C2CD2: variants seen among roughly 807,000 people sequenced by gnomAD.
C2CD2 encodes C2 calcium dependent domain containing 2, also known as C2 domain-containing protein 2.
C2CD2 carries 43 observed loss-of-function variants against 74.3 expected under a neutral mutation model. The ratio of observed to expected loss-of-function variants is 0.58; its 90% confidence interval spans 0.45 to 0.75. The LOEUF (loss-of-function observed/expected upper bound fraction) is 0.75. C2CD2 is among the 30% of genes least tolerant of loss of function. C2CD2 has a pLI of 0.00. For missense variants in C2CD2, 801 were observed against 916.3 expected (o/e 0.87, Z 1.63); for synonymous variants, 422 against 390.7 (o/e 1.08, Z -0.94).
chr21:41,951,649 C>T (rs1212421258), intron 1 of C2CD2, among the ~76,000 whole-genome samples: 4 of 152,218 alleles, frequency 2.6e-5, no homozygotes, highest in Non-Finnish European at 5.9e-5. Flanking sequence ...AAGTTTTCAT[C>T]CAAAACTTTC....
At position 41,921,985 on chromosome 21, in the gene C2CD2, G is replaced by T; in HGVS notation, c.479C>A (p.Pro160His). ...ACACATCTTTACCTGTAAATGGAAA[G>T]GGGAGAGCCGCATGTCGTACAGCCG... ...GCRLYDMRLS[P>H]FHLQLEFHMK... The change falls in exon 3 of 14, where the codon CCT (proline) becomes CAT (histidine). Residue 160 changes from proline (P) to histidine (H), a missense_variant. Pro to His is a moderately conservative substitution (Grantham distance 77, BLOSUM62 -2). Coordinates refer to ENST00000380486, the MANE Select transcript of C2CD2 (RefSeq NM_015500.2). The T allele has an allele frequency of 6.2e-7, 1 of 1,611,054 alleles. No individual in the cohort carries two copies. The highest frequency in any genetic ancestry group is 8.5e-7 in the Non-Finnish European group (1 of 1,177,240).
At position 41,888,067 on chromosome 21, in the gene C2CD2, C is replaced by T. The variant is rs946850335; in HGVS notation, c.*1057G>A. ...CCAACCTGTGTCCAAGAGGACTGTT[C>T]ACAGCAAAATTCTGAAGCGCTCATA... is the stretch of plus-strand genomic sequence containing the variant. On this transcript the variant is annotated 3_prime_UTR_variant, in exon 14 of 14. Transcript: ENST00000380486. The T allele has an allele frequency of 6.6e-6, 1 of 152,650 alleles. No homozygotes were observed. Among genetic ancestry groups the T allele is most frequent in the African/African-American group, 2.4e-5 (1 of 41,456 alleles). 9.5% of individuals were successfully genotyped at this position (152,650 alleles called of 1,614,324 possible).
intron 1 of C2CD2, chr21:41,942,899 A>G: frequency 1.1e-6 from 1 of 929,464 alleles, no homozygotes; most frequent in South Asian, 5.0e-5. Context: ...AGCCCTCTGG[A>G]GCCACCTGGC....
chr21:41,911,339 T>C (rs1026633734), intron 7 of C2CD2, among the ~76,000 whole-genome samples: 16 of 152,074 alleles, frequency 1.1e-4, no homozygotes, highest in Non-Finnish European at 2.2e-4. Context: ...TTATTTATGA[T>C]TCTTACCCCA....
chr21:41,906,630 G>T (rs2064965343), intron 10 of C2CD2, among the ~76,000 whole-genome samples: 1 of 152,188 alleles, frequency 6.6e-6, no homozygotes, highest in African/African-American at 2.4e-5. Context: ...TTCCCAAAGT[G>T]CTGGGATTAC....
intron 2 of C2CD2, among the ~76,000 whole-genome samples, chr21:41,930,263 C>T (rs1252158133): frequency 6.7e-6 from 1 of 149,978 alleles, no homozygotes; most frequent in Non-Finnish European, 1.5e-5. Flanking sequence ...TCCCGGTAGG[C>T]AGTTTCTGGT....
intron 2 of C2CD2, 75 bp from the exon 3 acceptor site, chr21:41,922,160 CT>C: frequency 1.4e-6 from 1 of 726,308 alleles, no homozygotes. Context: ...TCTTCTTCTT[CT>C]TCTTTTTTTT....
Position 41,924,588 on chromosome 21 carries a change from G to A in C2CD2, c.379-2503C>T, listed in dbSNP as rs936717843. Among the ~76,000 whole-genome samples, 27 of 152,160 alleles carry A rather than the reference G, an allele frequency of 1.8e-4. No individual in the cohort carries two copies. Among genetic ancestry groups the A allele is most frequent in the African/African-American group, 6.3e-4 (26 of 41,432 alleles). On this transcript the variant is annotated intron_variant, in intron 2 of 13. Transcript: ENST00000380486. The surrounding 1 kb of genome is among the most constrained non-coding windows in gnomAD (Gnocchi z 4.4). Reference sequence around the variant, plus strand: ...AAATGATCTATAAACAGTCCTTTACGGAGGAACATGCTTTGTGGCCAGATG... The same window carrying A: ...AAATGATCTATAAACAGTCCTTTACAGAGGAACATGCTTTGTGGCCAGATG...
chr21:41,901,301 A>G (rs1231647304), intron 12 of C2CD2: 2 of 397,894 alleles, frequency 5.0e-6, no homozygotes, highest in Non-Finnish European at 9.4e-6. Context: ...TGGTGACGAG[A>G]GCAGAGGTTC....
intron 7 of C2CD2, among the ~76,000 whole-genome samples, chr21:41,911,402 T>G (rs79505574): frequency 6.6e-6 from 1 of 150,576 alleles, no homozygotes; most frequent in African/African-American, 2.4e-5. Flanking sequence ...TTTTTTTTTT[T>G]TTTTTGAGAT....
At chr21:41,933,771 G>T (rs1188573601) in intron 2 of C2CD2, among the ~76,000 whole-genome samples, 1 of 152,204 alleles carries the variant, frequency 6.6e-6, no homozygotes, top group East Asian at 1.9e-4. Flanking sequence ...ACAGCCCCGT[G>T]AAAGGGGAGG....
intron 1 of C2CD2, among the ~76,000 whole-genome samples, chr21:41,947,158 C>CTCCCTCCG (rs1352113146): frequency 6.9e-6 from 1 of 144,320 alleles, no homozygotes; most frequent in Non-Finnish European, 1.5e-5. Context: ...CCCTCCCTCC[C>CTCCCTCCG]TCTCTCCTTC....
At chr21:41,894,844 A>G (rs147153989) in intron 13 of C2CD2, 250 of 456,754 alleles carry the variant, frequency 5.5e-4, no homozygotes, top group African/African-American at 4.7e-3. Context: ...TGCACACTAA[A>G]TAGCCGCCCC....
At chr21:41,915,887 C>A (rs2065084986) in intron 5 of C2CD2, among the ~76,000 whole-genome samples, 1 of 152,032 alleles carries the variant, frequency 6.6e-6, no homozygotes. Context: ...ATTCAGGGAC[C>A]CAGACGGGCT....
chr21:41,942,082 A>C, intron 2 of C2CD2, 65 bp downstream of exon 2: 1 of 1,536,432 alleles, frequency 6.5e-7, no homozygotes, highest in Non-Finnish European at 8.8e-7. Flanking sequence ...TTCTAAACAA[A>C]GCAAACTCCC....
rs1338977875 is a variant in C2CD2 at position 41,909,511 on chromosome 21, G to A, written c.966C>T (p.Ala322=). The change falls in exon 8 of 14, where the codon GCC becomes GCT. Residue 322 remains alanine, a synonymous_variant. Coordinates refer to ENST00000380486, the MANE Select transcript of C2CD2 (RefSeq NM_015500.2). ...WEEEFTFELN[A]KSKELHLQIS... is the part of the protein sequence containing the mutation. ...TCTGCAGGTGTAACTCCTTCGACTT[G>A]GCATTCAACTCGCTTTGGAAGAGAA... The A allele has an allele frequency of 4.3e-6, 7 of 1,612,502 alleles. No individual in the cohort carries two copies. Among genetic ancestry groups the A allele is most frequent in the Non-Finnish European group, 5.9e-6 (7 of 1,178,558 alleles).
At chr21:41,917,072 C>T (rs935597585) in intron 5 of C2CD2, among the ~76,000 whole-genome samples, 1 of 152,102 alleles carries the variant, frequency 6.6e-6, no homozygotes, top group African/African-American at 2.4e-5. Flanking sequence ...GCCCCCCAGA[C>T]ATCCACACCC....
intron 1 of C2CD2, 93 bp downstream of exon 1, chr21:41,953,277 C>A (rs990109321): frequency 2.0e-5 from 16 of 816,014 alleles, no homozygotes; most frequent in Admixed American, 4.2e-5. Context: ...TAGCCTGGGT[C>A]AGGGGCTGCA....
chr21:41,925,562 G>A (rs367980226), intron 2 of C2CD2, among the ~76,000 whole-genome samples: 182 of 152,324 alleles, frequency 1.2e-3, no homozygotes, highest in African/African-American at 4.0e-3. Flanking sequence ...CTCTTCCAGC[G>A]CCAGCCCCTG....
Sources: gnomAD v4.1 joint callset for allele counts (sites outside exome capture counted in the v4.1 genomes callset) on GRCh38, gnomAD v4.1.1 for gene constraint, Gnocchi (gnomAD v3.1) non-coding constraint, MANE v1.5 for transcripts, NCBI Gene and HGNC (gene_info 2026-07-23, HGNC 2026-07-21) for gene names.